C20orf203: variants seen among roughly 807,000 people sequenced by gnomAD.
The protein encoded by C20orf203 is chromosome 20 open reading frame 203, also known as uncharacterized protein C20orf203.
C20orf203 carries 16 observed loss-of-function variants against 15.9 expected under a neutral mutation model. The observed-to-expected ratio is 1.01, with a 90% confidence interval of 0.68 to 1.53. The LOEUF is 1.53. Ranked by LOEUF, C20orf203 falls within the 40% of genes most tolerant of loss-of-function variation. C20orf203 has a pLI of 0.00. For synonymous variants in C20orf203, 98 were observed against 97.2 expected (o/e 1.01, Z -0.05); for missense variants, 263 against 247.5 (o/e 1.06, Z -0.42).
intron 4 of C20orf203, among the ~76,000 whole-genome samples, chr20:32,644,640 C>T (rs954551979): frequency 6.6e-6 from 1 of 152,054 alleles, no homozygotes; most frequent in African/African-American, 2.4e-5. Flanking sequence ...ATTCAAGTAG[C>T]CCCTCACATC....
chr20:32,646,855 G>C (rs1982446326), intron 4 of C20orf203, among the ~76,000 whole-genome samples: 1 of 152,222 alleles, frequency 6.6e-6, no homozygotes, highest in Non-Finnish European at 1.5e-5. Flanking sequence ...TGGGTGCCCA[G>C]GCCAGCTCCT....
intron 1 of C20orf203, chr20:32,656,657 T>C (rs1342921110): frequency 6.6e-6 from 1 of 151,744 alleles, no homozygotes; most frequent in Non-Finnish European, 1.5e-5. Context: ...AGTTCAGCAG[T>C]TCGAGAACAC....
chr20:32,647,933 A>C (rs1982482907), intron 4 of C20orf203, among the ~76,000 whole-genome samples: 1 of 151,990 alleles, frequency 6.6e-6, no homozygotes. Flanking sequence ...CCCTCATAGT[A>C]TCTCCCCAAT....
chr20:32,654,071 T>A, intron 1 of C20orf203, among the ~76,000 whole-genome samples: 2 of 137,490 alleles, frequency 1.5e-5, no homozygotes, highest in African/African-American at 2.7e-5. Flanking sequence ...CCAGCCTGGG[T>A]GATGGAGCGA....
At chr20:32,668,299 A>T (rs1473377312) in intron 1 of C20orf203, among the ~76,000 whole-genome samples, 1 of 152,132 alleles carries the variant, frequency 6.6e-6, no homozygotes, top group Non-Finnish European at 1.5e-5. Flanking sequence ...TACACAGCAA[A>T]CCTGAAGCAC....
rs541380179 is a variant in C20orf203, at chr20:32,645,622, A to C, written c.*1177+3633T>G. On this transcript the variant is annotated intron_variant, in intron 4 of 5. Coordinates refer to ENST00000608990, the MANE Select transcript of C20orf203 (RefSeq NM_182584.4). ...CAGAAGCAGACATTGGAGAGGAGAG[A>C]GAGCCAGCACCAAGCCCTCCCAGCT... 2.0e-5 allele frequency among the ~76,000 whole-genome samples: 3 copies of C among 152,318 alleles called. No individual in the cohort carries two copies. The South Asian group carries it at 6.2e-4, about 32-fold the overall frequency.
At position 32,650,718 on chromosome 20, in the gene C20orf203, C is replaced by T. The variant is rs1420783629; in HGVS notation, c.299G>A (p.Gly100Asp). 8 of 1,546,886 alleles carry T rather than the reference C, an allele frequency of 5.2e-6. No individual in the cohort carries two copies. The highest frequency in any genetic ancestry group is 7.0e-6 in the Non-Finnish European group (8 of 1,144,984). ...PGPYQERIWV[G>D]GEGWGEVGGL... ...TCCAACTTCCCCCCACCCCTCCCCACCAACCCAAATCCTTTCCTGATAAGG... is the reference window on the plus strand; with the variant it reads ...TCCAACTTCCCCCCACCCCTCCCCATCAACCCAAATCCTTTCCTGATAAGG... The change falls in exon 4 of 6, where the codon GGT becomes GAT. Residue 100 changes from glycine to aspartate, a missense_variant. Gly to Asp is a moderately conservative substitution (Grantham distance 94, BLOSUM62 -1). Coordinates refer to ENST00000608990, the MANE Select transcript of C20orf203 (RefSeq NM_182584.4).
chr20:32,636,596 C>T (rs937465183), intron 5 of C20orf203, among the ~76,000 whole-genome samples: 13 of 152,316 alleles, frequency 8.5e-5, no homozygotes, highest in African/African-American at 3.1e-4. Context: ...TCCCTTCCTG[C>T]CTCATCGCTC....
At chr20:32,664,135 C>T (rs756392122) in intron 1 of C20orf203, among the ~76,000 whole-genome samples, 8 of 152,218 alleles carry the variant, frequency 5.3e-5, no homozygotes, top group Non-Finnish European at 1.0e-4. Flanking sequence ...CTGCTCTGGT[C>T]TCCCTGGACT....
At chr20:32,660,621 C>T (rs997861579) in intron 1 of C20orf203, among the ~76,000 whole-genome samples, 2 of 152,078 alleles carry the variant, frequency 1.3e-5, no homozygotes, top group Admixed American at 6.6e-5. Context: ...GTGACTTGTC[C>T]AAAGTCACAT....
rs575037606 is a variant in C20orf203, at chr20:32,644,159, G to C, written c.*1178-3472C>G. Among the ~76,000 whole-genome samples, 12 of 152,310 alleles carry C rather than the reference G, an allele frequency of 7.9e-5. No homozygotes were observed. The East Asian group carries it at 2.3e-3, about 29-fold the overall frequency. ...TCTGCGAGGAGCCTTCTAGAAAAAGGAGTTGTAGCCAGGCACCGTGGCTTA... is the reference window on the plus strand; with the variant it reads ...TCTGCGAGGAGCCTTCTAGAAAAAGCAGTTGTAGCCAGGCACCGTGGCTTA... On this transcript the variant is annotated intron_variant, in intron 4 of 5. Transcript: ENST00000608990.
At chr20:32,655,696 G>A (rs6058785) in intron 1 of C20orf203, among the ~76,000 whole-genome samples, 1 of 152,188 alleles carries the variant, frequency 6.6e-6, no homozygotes, top group African/African-American at 2.4e-5. Context: ...AGAAGGCTGA[G>A]GCAGGAGAAT....
chr20:32,642,152 A>G (rs1982300348), intron 4 of C20orf203, among the ~76,000 whole-genome samples: 1 of 152,150 alleles, frequency 6.6e-6, no homozygotes, highest in Non-Finnish European at 1.5e-5. Flanking sequence ...AAATTGGGTT[A>G]TTTGTGTCTT....
At chr20:32,651,202 G>A (rs1982615245) in intron 2 of C20orf203, 36 bp from the exon 3 acceptor site, 3 of 510,298 alleles carry the variant, frequency 5.9e-6, no homozygotes, top group Admixed American at 3.6e-5. Context: ...AATTAGCTGG[G>A]TGTGTTGGCT....
rs192460548 is a variant in C20orf203 at position 32,650,972 on chromosome 20, C to A, written c.135+46G>T. 390 of 1,444,818 alleles carry A rather than the reference C, an allele frequency of 2.7e-4. 6 individuals are homozygous for A. In the East Asian group the frequency reaches 9.8e-3, roughly 36 times the overall value. The allele number at this position is 1,444,818 out of a possible 1,614,324, so 89.5% of individuals were successfully genotyped here. A position where few individuals can be genotyped will look rare whatever the true frequency, so the allele number is the denominator to read the frequency against. Reference sequence around the variant, plus strand: ...AGGTCTTCCCTAATTTCCCAACAGTCCCCAGTGTCAGCCCAGGTGTGGGAG... The same window carrying A: ...AGGTCTTCCCTAATTTCCCAACAGTACCCAGTGTCAGCCCAGGTGTGGGAG... On this transcript the variant is annotated intron_variant, in intron 3 of 5. Transcript: ENST00000608990.
intron 1 of C20orf203, among the ~76,000 whole-genome samples, chr20:32,664,720 C>T (rs888173516): frequency 1.3e-5 from 2 of 152,240 alleles, no homozygotes; most frequent in Non-Finnish European, 2.9e-5. Flanking sequence ...CACACGCTGC[C>T]ACCCACACCA....
chr20:32,656,007 G>A (rs1251486958), intron 1 of C20orf203, among the ~76,000 whole-genome samples: 1 of 152,194 alleles, frequency 6.6e-6, no homozygotes. Flanking sequence ...CTGGTTGTCT[G>A]AAGGAGGCTG....
chr20:32,670,969 C>A (rs1983150065), intron 1 of C20orf203, among the ~76,000 whole-genome samples: 1 of 150,852 alleles, frequency 6.6e-6, no homozygotes, highest in East Asian at 1.9e-4. Flanking sequence ...CAAATCAAAA[C>A]CACAATGAGC....
At chr20:32,666,797 T>TATA (rs1983040452) in intron 1 of C20orf203, among the ~76,000 whole-genome samples, 1 of 65,594 alleles carries the variant, frequency 1.5e-5, no homozygotes, top group Non-Finnish European at 3.6e-5. Flanking sequence ...TAATTTTAAT[T>TATA]TATATATATA....
Sources: gnomAD v4.1 joint callset for allele counts (sites outside exome capture counted in the v4.1 genomes callset) on GRCh38, gnomAD v4.1.1 for gene constraint, MANE v1.5 for transcripts, NCBI Gene and HGNC (gene_info 2026-07-23, HGNC 2026-07-21) for gene names.